The following C10orf67 variants were observed in gnomAD, a reference collection of about 807,000 sequenced individuals.
C10orf67 encodes uncharacterized protein C10orf67, mitochondrial.
Under a neutral mutation model 35.6 loss-of-function variants are expected in C10orf67, and 60 were observed. The observed-to-expected ratio is 1.68, with a 90% confidence interval of 1.37 to 2.09. The LOEUF is 2.09. Ranked by LOEUF, C10orf67 falls within the 30% of genes most tolerant of loss-of-function variation. The probability of loss-of-function intolerance (pLI) is 0.00; values close to 1 mark genes in which losing one functional copy is unlikely to be tolerated. For missense variants in C10orf67, 474 were observed against 330.2 expected (o/e 1.44, Z -3.38); for synonymous variants, 167 against 115.8 (o/e 1.44, Z -2.84).
intron 10 of C10orf67, among the ~76,000 whole-genome samples, chr10:23,253,567 A>G (rs1385318199): frequency 1.3e-5 from 2 of 152,226 alleles, no homozygotes; most frequent in African/African-American, 4.8e-5. Context: ...AAATTAGGAA[A>G]ACAAATCAGT....
intron 15 of C10orf67, among the ~76,000 whole-genome samples, chr10:23,216,608 A>T (rs1841438017): frequency 6.6e-6 from 1 of 152,194 alleles, no homozygotes; most frequent in Non-Finnish European, 1.5e-5. Flanking sequence ...ATTGTAGAAT[A>T]TTCATATTAT....
At chr10:23,341,061 T>C (rs1279988271) in intron 1 of C10orf67, among the ~76,000 whole-genome samples, 1 of 152,186 alleles carries the variant, frequency 6.6e-6, no homozygotes, top group Non-Finnish European at 1.5e-5. Context: ...GAATATTGCT[T>C]CCTTTTACTC....
intron 2 of C10orf67, among the ~76,000 whole-genome samples, chr10:23,332,388 C>A (rs1365933802): frequency 2.0e-5 from 3 of 152,078 alleles, no homozygotes; most frequent in Non-Finnish European, 4.4e-5. Context: ...CCTTTACAAT[C>A]AAAAAAGATC....
intron 15 of C10orf67, among the ~76,000 whole-genome samples, chr10:23,214,044 G>A (rs1201183393): frequency 6.6e-6 from 1 of 151,566 alleles, no homozygotes; most frequent in African/African-American, 2.4e-5. Context: ...CTATTATAAT[G>A]TTATTGATAT....
intron 12 of C10orf67, among the ~76,000 whole-genome samples, chr10:23,248,742 T>A (rs1317981817): frequency 2.0e-5 from 3 of 152,198 alleles, no homozygotes; most frequent in Admixed American, 6.5e-5. Context: ...ATTGAATTAA[T>A]ATCTGGAGCT....
Position 23,282,817 on chromosome 10 carries a change from C to T in C10orf67, c.910-739G>A, listed in dbSNP as rs137997353. Among the ~76,000 whole-genome samples, 3 of 152,164 alleles carry T rather than the reference C, an allele frequency of 2.0e-5. No homozygotes were observed. The East Asian group carries it at 5.8e-4, about 29-fold the overall frequency. ...CTGCACTCCAGCCTAGAAACAAGAC[C>T]CTGTCTTTAAACAAACCAACCATTT... On this transcript the variant is annotated intron_variant, in intron 7 of 15. Coordinates refer to ENST00000636213, the MANE Select transcript of C10orf67 (RefSeq NM_001371909.1).
At chr10:23,248,527 T>C (rs1842371144) in intron 12 of C10orf67, among the ~76,000 whole-genome samples, 1 of 152,198 alleles carries the variant, frequency 6.6e-6, no homozygotes, top group Admixed American at 6.5e-5. Flanking sequence ...GAGAAATCAT[T>C]GGATTGGACT....
chr10:23,337,185 T>C (rs7085364), intron 1 of C10orf67, among the ~76,000 whole-genome samples: 61,447 of 151,934 alleles, frequency 0.4, 12,619 homozygotes, highest in Admixed American at 0.45. Flanking sequence ...CTAATAAATA[T>C]AGAAAAAAAG....
At chr10:23,236,480 A>G (rs954772908) in intron 13 of C10orf67, among the ~76,000 whole-genome samples, 1 of 151,948 alleles carries the variant, frequency 6.6e-6, no homozygotes, top group Non-Finnish European at 1.5e-5. Flanking sequence ...AAACAACAAT[A>G]TCAAGTTTTT....
intron 4 of C10orf67, among the ~76,000 whole-genome samples, chr10:23,310,027 A>T (rs147217009): frequency 6.6e-6 from 1 of 152,278 alleles, no homozygotes; most frequent in East Asian, 1.9e-4. Context: ...AATGTTTCTG[A>T]TGTTTCACTA....
intron 13 of C10orf67, among the ~76,000 whole-genome samples, chr10:23,224,738 C>T (rs1588587938): frequency 6.6e-6 from 1 of 152,094 alleles, no homozygotes; most frequent in African/African-American, 2.4e-5. Flanking sequence ...AATGCAGAAG[C>T]TTTAGTAGCC....
chr10:23,337,708 T>C (rs1455904917), intron 1 of C10orf67, among the ~76,000 whole-genome samples: 5 of 152,114 alleles, frequency 3.3e-5, no homozygotes, highest in African/African-American at 7.2e-5. Context: ...TCAAGGTTAA[T>C]GAGGGGAAAA....
intron 15 of C10orf67, among the ~76,000 whole-genome samples, chr10:23,206,580 T>G (rs1190287513): frequency 6.6e-6 from 1 of 152,216 alleles, no homozygotes; most frequent in African/African-American, 2.4e-5. Flanking sequence ...ATTGTTAGGG[T>G]TGATTAATTG....
At chr10:23,248,911 T>A (rs1426313077) in intron 12 of C10orf67, among the ~76,000 whole-genome samples, 2 of 151,872 alleles carry the variant, frequency 1.3e-5, no homozygotes, top group Admixed American at 6.6e-5. Context: ...ATTGTCAACA[T>A]CTTGGTTAAT....
chr10:23,332,417 T>G (rs1444824213), intron 2 of C10orf67, among the ~76,000 whole-genome samples: 1 of 152,160 alleles, frequency 6.6e-6, no homozygotes, highest in Non-Finnish European at 1.5e-5. Context: ...GCACGATGGC[T>G]CACACCTGTA....
intron 10 of C10orf67, among the ~76,000 whole-genome samples, chr10:23,252,076 T>C (rs1842468761): frequency 6.6e-6 from 1 of 152,224 alleles, no homozygotes; most frequent in Non-Finnish European, 1.5e-5. Flanking sequence ...TTATATCTGT[T>C]TTGCTTTCAA....
intron 13 of C10orf67, among the ~76,000 whole-genome samples, chr10:23,225,764 A>T (rs190423047): frequency 5.3e-5 from 8 of 152,222 alleles, no homozygotes; most frequent in African/African-American, 1.9e-4. Context: ...AGTTCAAAAA[A>T]GACAAAGCAG....
At chr10:23,252,279 T>C (rs894945823) in intron 10 of C10orf67, among the ~76,000 whole-genome samples, 3 of 152,242 alleles carry the variant, frequency 2.0e-5, no homozygotes, top group Admixed American at 6.5e-5. Context: ...AAAGTTTTAT[T>C]TGTTCCTTTT....
At chr10:23,256,885 A>T (rs546968669) in intron 10 of C10orf67, among the ~76,000 whole-genome samples, 2 of 152,282 alleles carry the variant, frequency 1.3e-5, no homozygotes, top group Admixed American at 1.3e-4. Flanking sequence ...TGTCTGGCCA[A>T]CCAGGCTCAA....
Sources: gnomAD v4.1 joint callset for allele counts (sites outside exome capture counted in the v4.1 genomes callset) on GRCh38, gnomAD v4.1.1 for gene constraint, MANE v1.5 for transcripts, NCBI Gene and HGNC (gene_info 2026-07-23, HGNC 2026-07-21) for gene names.